NEDD4: variants seen among roughly 807,000 people sequenced by gnomAD.
NEDD4 encodes NEDD4 E3 ubiquitin protein ligase.
Under a neutral mutation model 144.9 loss-of-function variants are expected in NEDD4, and 99 were observed. That is an observed-to-expected ratio of 0.68 (90% CI 0.58 to 0.81). The LOEUF (loss-of-function observed/expected upper bound fraction) is 0.81, where lower values mean the gene tolerates loss of function less well. Among genes scored for constraint, NEDD4 ranks in the 30% least tolerant of loss-of-function variants. NEDD4 has a pLI of 0.00. For synonymous variants in NEDD4, 318 were observed against 350.6 expected, an observed-to-expected ratio of 0.91 and a Z score of 1.04; for missense variants, 985 against 1,065.9, an observed-to-expected ratio of 0.92 and a Z score of 1.06.
intron 4 of NEDD4, among the ~76,000 whole-genome samples, chr15:55,926,067 C>G (rs140925562): frequency 6.6e-6 from 1 of 151,376 alleles, no homozygotes; most frequent in East Asian, 1.9e-4. Context: ...AATACATATA[C>G]GTATGTAAAA....
intron 2 of NEDD4, among the ~76,000 whole-genome samples, chr15:55,955,423 T>C (rs2037319836): frequency 6.6e-6 from 1 of 152,192 alleles, no homozygotes; most frequent in Non-Finnish European, 1.5e-5. Flanking sequence ...TTCTTCCTGC[T>C]TGACTCAAGT....
intron 4 of NEDD4, among the ~76,000 whole-genome samples, chr15:55,934,425 C>T (rs149900771): frequency 4.1e-4 from 62 of 152,084 alleles, no homozygotes; most frequent in Middle Eastern, 3.4e-3. Flanking sequence ...AACATTGGTG[C>T]GCAAGTTTTC....
chr15:55,925,174 G>A (rs1317768088), intron 4 of NEDD4, among the ~76,000 whole-genome samples: 1 of 152,222 alleles, frequency 6.6e-6, no homozygotes, highest in Non-Finnish European at 1.5e-5. Flanking sequence ...GACTAGTCAT[G>A]TGTCACTCAT....
intron 13 of NEDD4, among the ~76,000 whole-genome samples, chr15:55,851,777 C>G (rs2033992742): frequency 6.6e-6 from 1 of 151,856 alleles, no homozygotes; most frequent in South Asian, 2.1e-4. Context: ...TTGCCCGGCC[C>G]AGCATAAACT....
At chr15:55,890,436 A>G (rs1294301002) in intron 5 of NEDD4, among the ~76,000 whole-genome samples, 1 of 152,108 alleles carries the variant, frequency 6.6e-6, no homozygotes, top group Non-Finnish European at 1.5e-5. Context: ...GATATTTCAT[A>G]TAAGTGGAAT....
chr15:55,847,350 A>G (rs2033791527), intron 17 of NEDD4, among the ~76,000 whole-genome samples: 1 of 152,216 alleles, frequency 6.6e-6, no homozygotes, highest in East Asian at 1.9e-4. Flanking sequence ...ATTTCTAAAG[A>G]GACTTTCAAA....
chr15:55,889,409 G>A (rs568878859), intron 5 of NEDD4, among the ~76,000 whole-genome samples: 9 of 152,260 alleles, frequency 5.9e-5, no homozygotes, highest in East Asian at 3.9e-4. Context: ...AATGAGATCC[G>A]CTCATTTGCA....
chr15:55,829,847 T>G lies in NEDD4; in HGVS notation c.*50A>C, dbSNP rs758575554. 15 of 1,432,478 alleles carry G rather than the reference T, an allele frequency of 1.0e-5. No individual in the cohort carries two copies. Among genetic ancestry groups the G allele is most frequent in the South Asian group, 1.3e-5 (1 of 79,470 alleles). The allele number at this position is 1,432,478 out of a possible 1,614,324, so 88.7% of individuals were successfully genotyped here. Reference sequence around the variant, plus strand: ...CCCCGGAAAATTTTAAGTCAAGATTTTGGTTATAAAACTATGGCAGTAAAA... The same window carrying G: ...CCCCGGAAAATTTTAAGTCAAGATTGTGGTTATAAAACTATGGCAGTAAAA... On this transcript the variant is annotated 3_prime_UTR_variant, in exon 29 of 29. Transcript: ENST00000435532.
chr15:55,866,665 TTC>T (rs1259068106), intron 8 of NEDD4, among the ~76,000 whole-genome samples: 2 of 152,156 alleles, frequency 1.3e-5, no homozygotes, highest in African/African-American at 4.8e-5. Flanking sequence ...TCTTAGAGAT[TTC>T]TCTCTTAAAT....
Position 55,956,780 on chromosome 15 carries a change from T to C in NEDD4, c.120-5191A>G, listed in dbSNP as rs562684196. The stretch of plus-strand genomic sequence containing the variant: ...TTCTTTTTTGAAATTGTTTTGGCTA[T>C]TCTATGTGCCTTGACTTTCCATACA... On this transcript the variant is annotated intron_variant, in intron 2 of 28. Transcript: ENST00000435532. Among the ~76,000 whole-genome samples, 10 of 152,320 alleles carry C rather than the reference T, an allele frequency of 6.6e-5. No individual in the cohort carries two copies. The South Asian group carries it at 1.9e-3, about 28-fold the overall frequency.
In NEDD4 at chr15:55,916,888, G is replaced by C. The variant is rs192202649; in HGVS notation, c.291+7758C>G. 4.6e-6 allele frequency: 7 copies of C among 1,532,394 alleles called. No homozygotes were observed. The South Asian group carries it at 5.2e-5, about 11-fold the overall frequency. The allele number at this position is 1,532,394 out of a possible 1,614,324, so 94.9% of individuals were successfully genotyped here. On this transcript the variant is annotated intron_variant, in intron 5 of 28. Coordinates refer to ENST00000435532, the MANE Select transcript of NEDD4 (RefSeq NM_006154.4). ...AAAGTCATAACAAAGATCTCTGTCC[G>C]TAGACAGGCTAGAAGCAGCTGCACT...
intron 4 of NEDD4, among the ~76,000 whole-genome samples, chr15:55,933,574 T>C (rs1400749546): frequency 7.4e-5 from 11 of 149,136 alleles, no homozygotes; most frequent in African/African-American, 2.7e-4. Context: ...TTAGGAGATG[T>C]ACCTAATGCA....
intron 18 of NEDD4, among the ~76,000 whole-genome samples, chr15:55,844,066 G>C (rs2033634831): frequency 6.6e-6 from 1 of 152,200 alleles, no homozygotes; most frequent in Non-Finnish European, 1.5e-5. Context: ...GACTTCAAAT[G>C]AGGCAATCAA....
intron 5 of NEDD4, among the ~76,000 whole-genome samples, chr15:55,883,802 A>T (rs1349974516): frequency 3.9e-5 from 6 of 152,056 alleles, no homozygotes. Flanking sequence ...GGGAGAAAGT[A>T]AGGGAGAAGA....
intron 5 of NEDD4, among the ~76,000 whole-genome samples, chr15:55,903,395 C>G (rs772737847): frequency 1.3e-5 from 2 of 152,094 alleles, no homozygotes; most frequent in Non-Finnish European, 2.9e-5. Flanking sequence ...TTCAGCAAGT[C>G]ATTTAAAAAT....
Position 55,829,863 on chromosome 15 carries a change from G to T in NEDD4, c.*34C>A. On this transcript the variant is annotated 3_prime_UTR_variant, in exon 29 of 29. Coordinates refer to ENST00000435532, the MANE Select transcript of NEDD4 (RefSeq NM_006154.4). The stretch of plus-strand genomic sequence containing the variant: ...GTCAAGATTTTGGTTATAAAACTAT[G>T]GCAGTAAAAACACTACAGATTGTTA... 1 of 1,513,822 alleles carries T rather than the reference G, an allele frequency of 6.6e-7. No individual in the cohort carries two copies. Among genetic ancestry groups the T allele is most frequent in the Non-Finnish European group, 9.1e-7 (1 of 1,104,520 alleles). The allele number at this position is 1,513,822 out of a possible 1,614,324, so 93.8% of individuals were successfully genotyped here.
chr15:55,831,422 G>A (rs1460422600), intron 27 of NEDD4, among the ~76,000 whole-genome samples: 8 of 152,262 alleles, frequency 5.3e-5, no homozygotes, highest in Admixed American at 5.2e-4. Context: ...CTATGGGGCT[G>A]GGTTACATAG....
Position 55,957,290 on chromosome 15 carries a change from C to G in NEDD4, c.120-5701G>C, listed in dbSNP as rs534538632. 1.6e-4 allele frequency among the ~76,000 whole-genome samples: 25 copies of G among 151,528 alleles called. No individual in the cohort carries two copies. In the East Asian group the frequency reaches 2.5e-3, roughly 15 times the overall value. ...CTTTTTGACTGTGTGATTTTTTTTTCTTTGCCATACTACATGGCTAAAATA... is the reference window on the plus strand; with the variant it reads ...CTTTTTGACTGTGTGATTTTTTTTTGTTTGCCATACTACATGGCTAAAATA... On this transcript the variant is annotated intron_variant, in intron 2 of 28. Transcript: ENST00000435532.
chr15:55,989,442 TGTGTA>T (rs781620286), intron 1 of NEDD4, among the ~76,000 whole-genome samples: 6 of 152,162 alleles, frequency 3.9e-5, no homozygotes, highest in Non-Finnish European at 8.8e-5. Context: ...TCCTCCTTTG[TGTGTA>T]GTACATAAAG....
Sources: allele counts gnomAD v4.1 joint callset (sites outside exome capture counted in the v4.1 genomes callset), GRCh38; gene constraint gnomAD v4.1.1; transcripts MANE v1.5; gene names NCBI Gene and HGNC (gene_info 2026-07-23, HGNC 2026-07-21).